SFXN5: variants seen among roughly 807,000 people sequenced by gnomAD.
SFXN5 encodes the protein sideroflexin-5.
Under a neutral mutation model 50.2 loss-of-function variants are expected in SFXN5, and 43 were observed. The observed-to-expected ratio is 0.86, with a 90% CI of 0.67 to 1.11. The LOEUF (loss-of-function observed/expected upper bound fraction) is 1.11, where lower values mean the gene tolerates loss of function less well. Among genes scored for constraint, SFXN5 ranks in the 50% least tolerant of loss-of-function variants. The pLI, the probability that SFXN5 is intolerant of heterozygous loss-of-function variation, is 0.00. For missense variants in SFXN5, 463 were observed against 454.1 expected (o/e 1.02, Z -0.18); for synonymous variants, 203 against 185.8 (o/e 1.09, Z -0.75).
intron 9 of SFXN5, among the ~76,000 whole-genome samples, chr2:72,991,224 C>T (rs977649789): frequency 6.6e-6 from 1 of 152,254 alleles, no homozygotes; most frequent in Non-Finnish European, 1.5e-5. Context: ...AGGCCTGGCA[C>T]AGCCCAGAGT....
At chr2:73,006,130 G>A (rs1266378352) in intron 6 of SFXN5, among the ~76,000 whole-genome samples, 1 of 152,018 alleles carries the variant, frequency 6.6e-6, no homozygotes, top group Admixed American at 6.6e-5. Context: ...CTTCCTGCTT[G>A]CCCTGCTGAG....
intron 10 of SFXN5, among the ~76,000 whole-genome samples, chr2:72,986,286 G>A (rs1482692686): frequency 1.3e-5 from 2 of 152,206 alleles, no homozygotes; most frequent in South Asian, 2.1e-4. Context: ...AGGTGGGGCT[G>A]CCCAGCAATG....
At chr2:73,026,706 ATTATT>A (rs762020518) in intron 3 of SFXN5, among the ~76,000 whole-genome samples, 26 of 151,948 alleles carry the variant, frequency 1.7e-4, no homozygotes, top group Non-Finnish European at 3.7e-4. Context: ...CATACTTCTT[ATTATT>A]TTATTTTATT....
chr2:73,031,683 G>A (rs147937654), intron 3 of SFXN5, among the ~76,000 whole-genome samples: 7 of 152,294 alleles, frequency 4.6e-5, no homozygotes, highest in Non-Finnish European at 8.8e-5. Context: ...AGGTTTTGGG[G>A]TGAGTTGGGA....
chr2:73,014,773 G>A (rs968626219), intron 6 of SFXN5, among the ~76,000 whole-genome samples: 2 of 152,038 alleles, frequency 1.3e-5, no homozygotes, highest in Non-Finnish European at 2.9e-5. Flanking sequence ...TATTGTAAAT[G>A]ACATCTTTTA....
At chr2:73,043,691 GGTT>G (rs559574444) in intron 2 of SFXN5, among the ~76,000 whole-genome samples, 111 of 152,226 alleles carry the variant, frequency 7.3e-4, no homozygotes, top group African/African-American at 2.6e-3. Flanking sequence ...ATAGCTTTGT[GGTT>G]GTTTTTATTT....
chr2:73,022,470 C>A lies in SFXN5; in HGVS notation c.331+52G>T, dbSNP rs1309342688. On this transcript the variant is annotated intron_variant, in intron 5 of 13. Transcript: ENST00000272433. ...CATCTGGATGCTCCTGGAACTGTGA[C>A]TGGAGTAAGCACCCCAGGCTGACCA... 26 of 1,403,406 alleles carry A rather than the reference C, an allele frequency of 1.9e-5. No homozygotes were observed. The South Asian group carries it at 2.9e-4, about 16-fold the overall frequency. The allele number at this position is 1,403,406 out of a possible 1,614,324, so 86.9% of individuals were successfully genotyped here.
At chr2:73,014,119 C>T (rs1200763038) in intron 6 of SFXN5, among the ~76,000 whole-genome samples, 1 of 152,110 alleles carries the variant, frequency 6.6e-6, no homozygotes, top group East Asian at 1.9e-4. Flanking sequence ...TATTCCACTG[C>T]GTGACTAAGC....
At chr2:72,972,103 T>C (rs1397540694) in intron 10 of SFXN5, among the ~76,000 whole-genome samples, 1 of 152,170 alleles carries the variant, frequency 6.6e-6, no homozygotes, top group African/African-American at 2.4e-5. Context: ...TGCCCTATCC[T>C]CTTAAACTGT....
At chr2:73,028,165 T>G (rs988232778) in intron 3 of SFXN5, among the ~76,000 whole-genome samples, 10 of 152,216 alleles carry the variant, frequency 6.6e-5, no homozygotes, top group Non-Finnish European at 1.5e-4. Flanking sequence ...CACTCTATGA[T>G]GTTCCCGTAA....
intron 3 of SFXN5, among the ~76,000 whole-genome samples, chr2:73,025,941 C>T (rs1220865343): frequency 1.3e-5 from 2 of 152,176 alleles, no homozygotes; most frequent in African/African-American, 4.8e-5. Context: ...AGTGCTGAGG[C>T]TCTAAAGGAG....
At chr2:72,947,706 T>C (rs576413340) in intron 13 of SFXN5, among the ~76,000 whole-genome samples, 3 of 152,170 alleles carry the variant, frequency 2.0e-5, no homozygotes, top group East Asian at 3.9e-4. Flanking sequence ...TCCTCTGTAG[T>C]CGCTGGTACC....
In SFXN5 at chr2:73,058,548, G is replaced by A. The variant is rs369436439; in HGVS notation, c.151C>T (p.Arg51Cys). 1.5e-5 allele frequency: 25 copies of A among 1,613,988 alleles called. No individual in the cohort carries two copies. The highest frequency in any genetic ancestry group is 8.0e-5 in the African/African-American group (6 of 74,910). Residue 51 changes from arginine (R) to cysteine (C), a missense_variant, in exon 2 of 14, where the codon CGC (arginine) becomes TGC (cysteine). Coordinates refer to ENST00000272433, the MANE Select transcript of SFXN5 (RefSeq NM_144579.3). ...CTTACCTCAGTGACAAAGAGTGTGC[G>A]AGGGTCGATGATATCCAAGAAGTGC... ...FRHFLDIIDP[R>C]TLFVTERRLR...
intron 12 of SFXN5, among the ~76,000 whole-genome samples, chr2:72,968,126 C>A (rs1176198926): frequency 2.6e-5 from 2 of 76,806 alleles, no homozygotes; most frequent in African/African-American, 1.1e-4. Flanking sequence ...CATGAAAACA[C>A]ACACACACAC....
chr2:73,017,470 A>T (rs993657671), intron 6 of SFXN5, among the ~76,000 whole-genome samples: 3 of 152,348 alleles, frequency 2.0e-5, no homozygotes, highest in African/African-American at 7.2e-5. Context: ...TTAATTCAAG[A>T]AACTTTTGAA....
At position 73,023,168 on chromosome 2, in the gene SFXN5, A is replaced by G. The variant is rs1471076380; in HGVS notation, c.276+20T>C. ...CAGGACAACACGGAGAAGGAAATAG[A>G]GAATCCAAAACTGGATTACCTGCTT... On this transcript the variant is annotated intron_variant, in intron 4 of 13. Transcript: ENST00000272433. 4 of 1,600,046 alleles carry G rather than the reference A, an allele frequency of 2.5e-6. No individual in the cohort carries two copies. In the South Asian group the frequency reaches 3.4e-5, roughly 14 times the overall value.
At chr2:72,977,827 A>G (rs10173905) in intron 10 of SFXN5, among the ~76,000 whole-genome samples, 3,595 of 152,150 alleles carry the variant, frequency 0.024, 151 homozygotes, top group African/African-American at 0.081. Flanking sequence ...TACAAAAATT[A>G]GTCGGGCATG....
At chr2:73,030,216 C>A (rs922627928) in intron 3 of SFXN5, among the ~76,000 whole-genome samples, 1 of 152,184 alleles carries the variant, frequency 6.6e-6, no homozygotes, top group Non-Finnish European at 1.5e-5. Context: ...CTACCACTTG[C>A]ATCCATCTCT....
intron 3 of SFXN5, among the ~76,000 whole-genome samples, chr2:73,033,623 TC>T (rs1461007856): frequency 6.6e-6 from 1 of 152,174 alleles, no homozygotes; most frequent in Non-Finnish European, 1.5e-5. Flanking sequence ...AGTGGGCCTG[TC>T]TGGTATGTTT....
Sources: allele counts gnomAD v4.1 joint callset (sites outside exome capture counted in the v4.1 genomes callset), GRCh38; gene constraint gnomAD v4.1.1; transcripts MANE v1.5; gene names NCBI Gene and HGNC (gene_info 2026-07-23, HGNC 2026-07-21).